GRIA4: variants seen among roughly 807,000 people sequenced by gnomAD.
GRIA4 encodes glutamate ionotropic receptor AMPA type subunit 4, also known as glutamate receptor 4.
GRIA4 carries 34 observed loss-of-function variants against 104.0 expected under a neutral mutation model. That is an observed-to-expected ratio of 0.33 (90% CI 0.25 to 0.44). GRIA4 has a LOEUF of 0.44. Ranked by LOEUF, GRIA4 falls within the 20% of genes least tolerant of loss-of-function variation. The pLI is 1.00. For missense variants in GRIA4, 750 were observed against 1,096.5 expected, an observed-to-expected ratio of 0.68 and a Z score of 4.46; for synonymous variants, 386 against 381.9, an observed-to-expected ratio of 1.01 and a Z score of -0.13.
chr11:105,632,370 C>A (rs1225827804), intron 3 of GRIA4, among the ~76,000 whole-genome samples: 2 of 152,186 alleles, frequency 1.3e-5, no homozygotes, highest in African/African-American at 4.8e-5. Flanking sequence ...GTTTCAAAGA[C>A]CATAGCACTG....
At chr11:105,688,417 C>A (rs186375978) in intron 3 of GRIA4, among the ~76,000 whole-genome samples, 24 of 151,916 alleles carry the variant, frequency 1.6e-4, no homozygotes, top group African/African-American at 5.8e-4. Flanking sequence ...AAAAATTAGC[C>A]GGGCGTGGTG....
chr11:105,942,057 A>G (rs1030717906), intron 14 of GRIA4, among the ~76,000 whole-genome samples: 1 of 152,132 alleles, frequency 6.6e-6, no homozygotes, highest in Non-Finnish European at 1.5e-5. Flanking sequence ...TAGTGCCTTT[A>G]GCATAAAAAG....
chr11:105,876,043 G>A (rs1014368791), intron 5 of GRIA4, among the ~76,000 whole-genome samples: 4 of 151,994 alleles, frequency 2.6e-5, no homozygotes, highest in African/African-American at 9.7e-5. Flanking sequence ...TTTCTCCTGT[G>A]GGCATTTAGT....
At chr11:105,972,211 C>G (rs1371037866) in intron 15 of GRIA4, among the ~76,000 whole-genome samples, 183 bp downstream of exon 15, 5 of 152,066 alleles carry the variant, frequency 3.3e-5, no homozygotes, top group African/African-American at 4.8e-5. Context: ...CAACCTGCTC[C>G]CCAATATTAA....
intron 4 of GRIA4, among the ~76,000 whole-genome samples, chr11:105,837,279 C>T (rs1014466578): frequency 6.6e-6 from 1 of 152,068 alleles, no homozygotes; most frequent in African/African-American, 2.4e-5. Context: ...AGGACACAGC[C>T]AAACCATATC....
chr11:105,863,116 G>T (rs1273400562), intron 5 of GRIA4, among the ~76,000 whole-genome samples: 1 of 152,042 alleles, frequency 6.6e-6, no homozygotes, highest in African/African-American at 2.4e-5. Flanking sequence ...TAGTAAACTT[G>T]CCAATTTGGA....
chr11:105,690,985 G>A (rs1325722467), intron 3 of GRIA4, among the ~76,000 whole-genome samples: 1 of 151,912 alleles, frequency 6.6e-6, no homozygotes, highest in Non-Finnish European at 1.5e-5. Context: ...AAATAGGAAG[G>A]GCCAGTTTTT....
At chr11:105,722,456 TGTAA>T (rs1342941178) in intron 3 of GRIA4, among the ~76,000 whole-genome samples, 1 of 152,108 alleles carries the variant, frequency 6.6e-6, no homozygotes, top group African/African-American at 2.4e-5. Context: ...ATAACCCAAT[TGTAA>T]GTAGAGAAGC....
intron 3 of GRIA4, among the ~76,000 whole-genome samples, chr11:105,616,370 T>C (rs1950600575): frequency 6.6e-6 from 1 of 151,692 alleles, no homozygotes; most frequent in Admixed American, 6.6e-5. Context: ...ATTTGTGGAC[T>C]CTAAGTATCC....
At chr11:105,805,646 A>G (rs963290162) in intron 4 of GRIA4, among the ~76,000 whole-genome samples, 2 of 151,924 alleles carry the variant, frequency 1.3e-5, no homozygotes, top group Admixed American at 1.3e-4. Flanking sequence ...CAAAAAGGTT[A>G]GTATAGTGAT....
chr11:105,719,106 A>G (rs1954206628), intron 3 of GRIA4, among the ~76,000 whole-genome samples: 1 of 152,092 alleles, frequency 6.6e-6, no homozygotes, highest in Admixed American at 6.6e-5. Context: ...TGATTTCTAG[A>G]ATGGACAATC....
chr11:105,674,872 A>G (rs779651398), intron 3 of GRIA4, among the ~76,000 whole-genome samples: 58 of 151,964 alleles, frequency 3.8e-4, no homozygotes, highest in Non-Finnish European at 7.5e-4. Context: ...TCAGTTGTCA[A>G]ATCAAAACCT....
intron 3 of GRIA4, among the ~76,000 whole-genome samples, chr11:105,691,934 T>TTAA (rs1405889816): frequency 3.1e-5 from 1 of 32,062 alleles, no homozygotes; most frequent in Non-Finnish European, 6.2e-5. Flanking sequence ...AAACTCCGTC[T>TTAA]CAAAAAAAAA....
chr11:105,919,648 A>G (rs1450278363), intron 11 of GRIA4, among the ~76,000 whole-genome samples: 2 of 152,172 alleles, frequency 1.3e-5, no homozygotes, highest in African/African-American at 4.8e-5. Flanking sequence ...AATCAGAGCA[A>G]TATCAAGATC....
At chr11:105,918,988 C>G in intron 11 of GRIA4, 70 bp downstream of exon 11, 1 of 915,662 alleles carries the variant, frequency 1.1e-6, no homozygotes, top group Admixed American at 1.8e-5. Context: ...GGGCACATAA[C>G]AATTTTTAAA....
chr11:105,771,706 T>A (rs140819395), intron 4 of GRIA4, among the ~76,000 whole-genome samples: 6 of 152,188 alleles, frequency 3.9e-5, no homozygotes, highest in African/African-American at 1.4e-4. Context: ...TTGAACAATA[T>A]GATTTTGAAC....
intron 4 of GRIA4, among the ~76,000 whole-genome samples, chr11:105,824,052 C>T (rs1253493852): frequency 6.6e-6 from 1 of 152,044 alleles, no homozygotes; most frequent in Non-Finnish European, 1.5e-5. Context: ...GATAGAGGCC[C>T]CAGAAGAAAC....
chr11:105,673,108 T>G (rs1591540011), intron 3 of GRIA4, among the ~76,000 whole-genome samples: 1 of 152,054 alleles, frequency 6.6e-6, no homozygotes, highest in South Asian at 2.1e-4. Flanking sequence ...CTGGTTCCTA[T>G]TCACCTCTCC....
chr11:105,773,772 G>A (rs1941324682), intron 4 of GRIA4, among the ~76,000 whole-genome samples: 1 of 151,724 alleles, frequency 6.6e-6, no homozygotes, highest in East Asian at 2.0e-4. Flanking sequence ...CACCTGGTTG[G>A]GGAGAATAAA....
Sources: allele counts gnomAD v4.1 joint callset (sites outside exome capture counted in the v4.1 genomes callset), GRCh38; gene constraint gnomAD v4.1.1; transcripts MANE v1.5; gene names NCBI Gene and HGNC (gene_info 2026-07-23, HGNC 2026-07-21).